Variants in SAXO2 observed in about 807,000 individuals in gnomAD.
SAXO2 encodes the protein family with sequence similarity 154, member B.
SAXO2 carries 17 observed loss-of-function variants against 18.7 expected under a neutral mutation model. The ratio of observed to expected loss-of-function variants is 0.91; its 90% CI spans 0.62 to 1.36. The LOEUF is 1.36. Ranked by LOEUF, SAXO2 falls within the 40% of genes most tolerant of loss-of-function variation. The pLI is 0.00. For synonymous variants in SAXO2, 163 were observed against 181.2 expected (o/e 0.90, Z 0.81); for missense variants, 486 against 562.6 (o/e 0.86, Z 1.38).
intron 3 of SAXO2, among the ~76,000 whole-genome samples, chr15:82,274,873 T>C (rs774055142): frequency 6.6e-6 from 1 of 151,766 alleles, no homozygotes; most frequent in Non-Finnish European, 1.5e-5. Context: ...CCAAAAGTAC[T>C]AGCAAAATAA....
intron 1 of SAXO2, among the ~76,000 whole-genome samples, chr15:82,264,425 C>T (rs2075190352): frequency 2.0e-5 from 3 of 151,352 alleles, no homozygotes; most frequent in Non-Finnish European, 4.4e-5. Flanking sequence ...TTCTACAATC[C>T]GGTTTTTTAC....
At chr15:82,279,716 C>T (rs986172740) in intron 3 of SAXO2, among the ~76,000 whole-genome samples, 5 of 152,136 alleles carry the variant, frequency 3.3e-5, no homozygotes, top group Non-Finnish European at 4.4e-5. Context: ...TCCAATTCCT[C>T]GGTACCACAA....
Position 82,282,638 on chromosome 15 carries a change from A to T in SAXO2, c.953A>T (p.Tyr318Phe). 1 of 1,614,214 alleles carries T rather than the reference A, an allele frequency of 6.2e-7. No homozygotes were observed. The highest frequency in any genetic ancestry group is 8.5e-7 in the Non-Finnish European group (1 of 1,180,040). ...ACAAGCCATCTTGACTATGTTCCAT[A>T]TCAGGCCAACCATGTTGTTCCCATC... Reference protein sequence around the residue: ...NSTSHLDYVPYQANHVVPIRP... With the variant: ...NSTSHLDYVPFQANHVVPIRP... Residue 318 changes from tyrosine (Y) to phenylalanine (F), a missense_variant, in exon 4 of 4, where the codon TAT becomes TTT. Coordinates refer to ENST00000682753, the MANE Select transcript of SAXO2 (RefSeq NM_001348699.2).
chr15:82,280,036 G>A (rs1446426370), intron 3 of SAXO2, among the ~76,000 whole-genome samples: 1 of 152,134 alleles, frequency 6.6e-6, no homozygotes, highest in African/African-American at 2.4e-5. Flanking sequence ...TTGTTTTCTT[G>A]TTTTTCCATA....
chr15:82,279,419 A>G (rs1774782832), intron 3 of SAXO2, among the ~76,000 whole-genome samples: 1 of 152,244 alleles, frequency 6.6e-6, no homozygotes, highest in Non-Finnish European at 1.5e-5. Context: ...TGCCAAATTC[A>G]TAATAGAAAC....
In SAXO2 at chr15:82,265,679, C is replaced by G. The variant is rs1416022881; in HGVS notation, c.164C>G (p.Pro55Arg). 1 of 1,522,752 alleles carries G rather than the reference C, an allele frequency of 6.6e-7. No homozygotes were observed. Among genetic ancestry groups the G allele is most frequent in the East Asian group, 2.5e-5 (1 of 40,234 alleles). The allele number at this position is 1,522,752 out of a possible 1,614,324, so 94.3% of individuals were successfully genotyped here. A position where few individuals can be genotyped will look rare whatever the true frequency, so the allele number is the denominator to read the frequency against. The stretch of plus-strand genomic sequence containing the variant: ...CCTATGTATGACAATGTTCTTCCAC[C>G]TCAGAGTCTTAAAGCCAAGCAAGAA... Reference protein sequence around the residue: ...KYPMYDNVLPPQSLKAKQEIR... With the variant: ...KYPMYDNVLPRQSLKAKQEIR... Residue 55 changes from proline (P) to arginine (R), a missense_variant, in exon 2 of 4, where the codon CCT (proline) becomes CGT (arginine). Physicochemically the swap from Pro to Arg is moderately radical, Grantham distance 103. Coordinates refer to ENST00000682753, the MANE Select transcript of SAXO2 (RefSeq NM_001348699.2).
In SAXO2 at chr15:82,283,002, TAC is replaced by T. The variant is rs763384857; in HGVS notation, c.1319_1320del (p.Thr440LysfsTer6). On this transcript the variant is annotated frameshift_variant, in exon 4 of 4. Transcript: ENST00000682753. LOFTEE classifies it high-confidence loss of function. ...CTCCTCCAGGTTATATTTTCGACAATACAAATTCCCAAGGTCATAAATTCTTC... is the reference window on the plus strand; with the variant it reads ...CTCCTCCAGGTTATATTTTCGACAATAAATTCCCAAGGTCATAAATTCTTC... ...PSPPGYIFDN[T>X]NSQGHKFFRK... 8 of 1,613,874 alleles carry T rather than the reference TAC, an allele frequency of 5.0e-6. No individual in the cohort carries two copies. The South Asian group carries it at 8.8e-5, about 18-fold the overall frequency.
chr15:82,269,465 C>T (rs1193538809), intron 2 of SAXO2, among the ~76,000 whole-genome samples: 1 of 152,184 alleles, frequency 6.6e-6, no homozygotes, highest in Non-Finnish European at 1.5e-5. Flanking sequence ...CAAGAGGAAA[C>T]AACGGTGAGA....
chr15:82,264,811 CT>C (rs2075198616), intron 1 of SAXO2: 2 of 693,754 alleles, frequency 2.9e-6, no homozygotes, highest in Non-Finnish European at 5.2e-6. Flanking sequence ...AAGATGCCGC[CT>C]AACAACTTCT....
chr15:82,277,506 G>A (rs1409506201), intron 3 of SAXO2, among the ~76,000 whole-genome samples: 1 of 152,124 alleles, frequency 6.6e-6, no homozygotes, highest in Non-Finnish European at 1.5e-5. Context: ...TAGAATTGAA[G>A]GTGTAATTTT....
At chr15:82,273,660 AATAG>A (rs1297028081) in intron 3 of SAXO2, among the ~76,000 whole-genome samples, 1 of 152,168 alleles carries the variant, frequency 6.6e-6, no homozygotes, top group East Asian at 1.9e-4. Context: ...ATTGCTGATA[AATAG>A]ATTGATATGC....
chr15:82,270,384 G>A (rs1391769189), intron 2 of SAXO2, among the ~76,000 whole-genome samples: 1 of 152,182 alleles, frequency 6.6e-6, no homozygotes, highest in Non-Finnish European at 1.5e-5. Context: ...TGTTGGAGAG[G>A]TCAGGTAAGA....
At chr15:82,277,611 C>T (rs2075326413) in intron 3 of SAXO2, among the ~76,000 whole-genome samples, 1 of 152,096 alleles carries the variant, frequency 6.6e-6, no homozygotes, top group South Asian at 2.1e-4. Context: ...TAAGAAAAAG[C>T]CAGATAATCT....
chr15:82,263,812 A>G (rs989992342), intron 1 of SAXO2, among the ~76,000 whole-genome samples: 10 of 152,176 alleles, frequency 6.6e-5, no homozygotes, highest in Admixed American at 5.2e-4. Context: ...ATTCAACTGT[A>G]AGGAAATTCA....
At chr15:82,281,287 A>G (rs547307695) in intron 3 of SAXO2, among the ~76,000 whole-genome samples, 3 of 152,328 alleles carry the variant, frequency 2.0e-5, no homozygotes. Flanking sequence ...TGGTGTTACA[A>G]GTCATCATTC....
At chr15:82,276,204 T>G (rs1039067709) in intron 3 of SAXO2, among the ~76,000 whole-genome samples, 1 of 152,024 alleles carries the variant, frequency 6.6e-6, no homozygotes, top group Non-Finnish European at 1.5e-5. Flanking sequence ...AGGTGAAAGA[T>G]CTCTACATGG....
chr15:82,273,935 A>G (rs997437024), intron 3 of SAXO2, among the ~76,000 whole-genome samples: 4 of 151,844 alleles, frequency 2.6e-5, no homozygotes, highest in Admixed American at 2.6e-4. Context: ...ACAGAGTTTC[A>G]CCATGTTGGT....
chr15:82,263,772 T>C (rs1469550342), intron 1 of SAXO2, among the ~76,000 whole-genome samples: 1 of 152,192 alleles, frequency 6.6e-6, no homozygotes, highest in East Asian at 1.9e-4. Flanking sequence ...ACTTTTCTCC[T>C]AATTTATATT....
intron 3 of SAXO2, among the ~76,000 whole-genome samples, chr15:82,279,551 G>A (rs1317877656): frequency 6.6e-6 from 1 of 152,172 alleles, no homozygotes; most frequent in African/African-American, 2.4e-5. Flanking sequence ...GGATAAATAT[G>A]TGGGTTGGTG....
Sources: gnomAD v4.1 joint callset for allele counts (sites outside exome capture counted in the v4.1 genomes callset) on GRCh38, gnomAD v4.1.1 for gene constraint, MANE v1.5 for transcripts, NCBI Gene and HGNC (gene_info 2026-07-23, HGNC 2026-07-21) for gene names.